Variants in MYLK observed in about 807,000 individuals in gnomAD.
The protein encoded by MYLK is myosin light chain kinase.
A neutral mutation model predicts 203.4 loss-of-function variants in MYLK; 106 were observed. The observed-to-expected ratio is 0.52, with a 90% confidence interval of 0.45 to 0.61. The LOEUF (loss-of-function observed/expected upper bound fraction) is 0.61, where lower values mean the gene tolerates loss of function less well. MYLK is among the 20% of genes least tolerant of loss of function. MYLK has a pLI of 0.00. For synonymous variants in MYLK, 867 were observed against 959.5 expected (o/e 0.90, Z 1.78); for missense variants, 2,072 against 2,442.3 (o/e 0.85, Z 3.20).
At chr3:123,627,266 A>G (rs905293371) in intron 30 of MYLK, among the ~76,000 whole-genome samples, 5 of 152,188 alleles carry the variant, frequency 3.3e-5, no homozygotes, top group African/African-American at 1.2e-4. Context: ...CTGGCACCCT[A>G]TTCCAGGGTG....
At chr3:123,652,411 G>T (rs1173960830) in intron 24 of MYLK, among the ~76,000 whole-genome samples, 1 of 152,238 alleles carries the variant, frequency 6.6e-6, no homozygotes, top group Non-Finnish European at 1.5e-5. Context: ...TTACCCTGGA[G>T]TGTTTGGGAG....
Position 123,629,445 on chromosome 3 carries a change from A to G in MYLK, c.5114+29T>C. On this transcript the variant is annotated intron_variant, in intron 30 of 33. Coordinates refer to ENST00000360304, the MANE Select transcript of MYLK (RefSeq NM_053025.4). This position sits in a 1 kb window ranked among gnomAD's most constrained non-coding sequence, Gnocchi z 4.4. ...TCCCAACACAGGGCAGGGAGTAGGG[A>G]AGCAAAGACTGAAATCCCAACTCAT... 1 of 1,613,880 alleles carries G rather than the reference A, an allele frequency of 6.2e-7. No individual in the cohort carries two copies. The highest frequency in any genetic ancestry group is 8.5e-7 in the Non-Finnish European group (1 of 1,179,870).
chr3:123,676,413 T>C (rs1437813080), intron 20 of MYLK, among the ~76,000 whole-genome samples: 1 of 152,196 alleles, frequency 6.6e-6, no homozygotes, highest in Non-Finnish European at 1.5e-5. Context: ...CCCATCAGGA[T>C]TGAACATTCC....
intron 21 of MYLK, 67 bp from the exon 22 acceptor site, chr3:123,666,413 C>A (rs1576481191): frequency 6.2e-7 from 1 of 1,607,872 alleles, no homozygotes; most frequent in Non-Finnish European, 8.5e-7. Context: ...ACATTCGACG[C>A]CATTGTCCAC....
chr3:123,797,326 A>G (rs1048193756), intron 3 of MYLK, among the ~76,000 whole-genome samples: 45 of 152,230 alleles, frequency 3.0e-4, no homozygotes, highest in African/African-American at 9.4e-4. Flanking sequence ...ATCAAGATAT[A>G]TTCATTCACT....
intron 2 of MYLK, among the ~76,000 whole-genome samples, chr3:123,840,386 A>G (rs953737323): frequency 6.5e-4 from 97 of 150,028 alleles, no homozygotes; most frequent in Non-Finnish European, 1.0e-3. Context: ...ATATATATAT[A>G]TATATATGAA....
In MYLK at chr3:123,686,947, C is replaced by T. The variant is rs143718442; in HGVS notation, c.3566-4637G>A. On this transcript the variant is annotated intron_variant, in intron 19 of 33. Coordinates refer to ENST00000360304, the MANE Select transcript of MYLK (RefSeq NM_053025.4). Reference sequence around the variant, plus strand: ...ATTTAAAGAATAAATGTGGGCCAGGCGCGGTAGCTCACGCCTGTAATCCCA... The same window carrying T: ...ATTTAAAGAATAAATGTGGGCCAGGTGCGGTAGCTCACGCCTGTAATCCCA... Among the ~76,000 whole-genome samples the T allele has an allele frequency of 3.7e-3, 559 of 152,248 alleles. 3 individuals are homozygous for T. Among genetic ancestry groups the T allele is most frequent in the African/African-American group, 0.013 (532 of 41,536 alleles).
In MYLK at chr3:123,613,938, G is replaced by A. The variant is rs2057319872; in HGVS notation, c.*167C>T. On this transcript the variant is annotated 3_prime_UTR_variant, in exon 34 of 34. Coordinates refer to ENST00000360304, the MANE Select transcript of MYLK (RefSeq NM_053025.4). ...ACATAGATTAATGCCCATCAATAAC[G>A]CTGCTAGGTATCAACTGCTGTTTCT... 4 of 753,378 alleles carry A rather than the reference G, an allele frequency of 5.3e-6. No homozygotes were observed. The highest frequency in any genetic ancestry group is 1.8e-5 in the African/African-American group (1 of 56,772). 46.7% of individuals were successfully genotyped at this position (753,378 alleles called of 1,614,324 possible). A position where few individuals can be genotyped will look rare whatever the true frequency, so the allele number is the denominator to read the frequency against.
intron 2 of MYLK, among the ~76,000 whole-genome samples, chr3:123,854,133 T>C (rs1423922123): frequency 6.7e-6 from 1 of 149,472 alleles, no homozygotes; most frequent in East Asian, 1.9e-4. Context: ...CTAGATCATC[T>C]AGTCGCCGGC....
intron 2 of MYLK, among the ~76,000 whole-genome samples, chr3:123,849,779 A>G (rs2030516203): frequency 6.6e-6 from 1 of 152,048 alleles, no homozygotes. Flanking sequence ...GTTCTAGGGT[A>G]CATGTGCACA....
At chr3:123,726,910 G>T (rs1446424856) in intron 11 of MYLK, among the ~76,000 whole-genome samples, 2 of 152,200 alleles carry the variant, frequency 1.3e-5, no homozygotes, top group Non-Finnish European at 2.9e-5. Context: ...TTGGTGCTTA[G>T]AAGATATATC....
rs2057290239 is a variant in MYLK at position 123,613,092 on chromosome 3, G to C, written c.*1013C>G. On this transcript the variant is annotated 3_prime_UTR_variant, in exon 34 of 34. Coordinates refer to ENST00000360304, the MANE Select transcript of MYLK (RefSeq NM_053025.4). ...TAAGGTAGGTCAAGTTCTTTGGAGA[G>C]TGTTGAGAATGAAGATGTATTAAAC... is the stretch of plus-strand genomic sequence containing the variant. 4 of 152,388 alleles carry C rather than the reference G, an allele frequency of 2.6e-5. No homozygotes were observed. Among genetic ancestry groups the C allele is most frequent in the Non-Finnish European group, 5.9e-5 (4 of 68,042 alleles). 9.4% of individuals were successfully genotyped at this position (152,388 alleles called of 1,614,324 possible).
chr3:123,614,456 G>A, intron 33 of MYLK, 107 bp from the exon 34 acceptor site: 1 of 1,407,886 alleles, frequency 7.1e-7, no homozygotes, highest in Non-Finnish European at 9.8e-7. Context: ...GGTGGTTAAG[G>A]AGAAAATTTT....
intron 2 of MYLK, among the ~76,000 whole-genome samples, chr3:123,855,326 G>A (rs1426552659): frequency 3.3e-5 from 5 of 152,142 alleles, no homozygotes; most frequent in Non-Finnish European, 2.9e-5. Flanking sequence ...AAACTTCTCC[G>A]TACTATTTTC....
intron 2 of MYLK, among the ~76,000 whole-genome samples, chr3:123,871,759 T>G (rs1366618435): frequency 6.6e-6 from 1 of 151,174 alleles, no homozygotes; most frequent in East Asian, 1.9e-4. Context: ...AACAGTTTTA[T>G]GCAAACTCTT....
intron 2 of MYLK, among the ~76,000 whole-genome samples, chr3:123,845,226 A>G (rs1299411683): frequency 6.6e-6 from 1 of 152,124 alleles, no homozygotes; most frequent in Non-Finnish European, 1.5e-5. Flanking sequence ...GGTCCATTCC[A>G]ACTCTAAGAT....
In MYLK at chr3:123,777,439, G is replaced by A. The variant is rs183033987; in HGVS notation, c.165+16238C>T. ...GGCAAGCCCATGTTTATAAGCACGG[G>A]GCTGGCCACTGCTCCCTGAAGAAGA... On this transcript the variant is annotated intron_variant, in intron 4 of 33. Coordinates refer to ENST00000360304, the MANE Select transcript of MYLK (RefSeq NM_053025.4). 1.2e-4 allele frequency among the ~76,000 whole-genome samples: 19 copies of A among 152,306 alleles called. No individual in the cohort carries two copies. The East Asian group carries it at 3.7e-3, about 29-fold the overall frequency.
At chr3:123,876,865 G>T (rs2033181423) in intron 1 of MYLK, among the ~76,000 whole-genome samples, 1 of 152,136 alleles carries the variant, frequency 6.6e-6, no homozygotes, top group South Asian at 2.1e-4. Context: ...TTCCCTTGAT[G>T]TTTTTTCAGT....
chr3:123,827,313 A>G (rs1296969232), intron 3 of MYLK, among the ~76,000 whole-genome samples: 2 of 152,194 alleles, frequency 1.3e-5, no homozygotes, highest in African/African-American at 2.4e-5. Flanking sequence ...AAGAACCCCA[A>G]ATAGATTAAA....
Sources: allele counts gnomAD v4.1 joint callset (sites outside exome capture counted in the v4.1 genomes callset), GRCh38; gene constraint gnomAD v4.1.1; non-coding constraint Gnocchi (gnomAD v3.1); transcripts MANE v1.5; gene names NCBI Gene and HGNC (gene_info 2026-07-23, HGNC 2026-07-21).